GREB1L: variants seen among roughly 807,000 people sequenced by gnomAD.
The protein encoded by GREB1L is GREB1 like retinoic acid receptor coactivator, also known as GREB1-like protein.
In GREB1L, 17 loss-of-function variants were observed where a neutral mutation model predicts 200.8. The ratio of observed to expected loss-of-function variants is 0.08; its 90% CI spans 0.06 to 0.13. GREB1L has a LOEUF of 0.13. Among genes scored for constraint, GREB1L ranks in the 10% least tolerant of loss-of-function variants. The probability of loss-of-function intolerance (pLI) is 1.00; values close to 1 mark genes in which losing one functional copy is unlikely to be tolerated. For missense variants in GREB1L, 1,657 were observed against 2,367.7 expected (o/e 0.70, Z 6.23); for synonymous variants, 789 against 893.0 (o/e 0.88, Z 2.08).
chr18:21,470,632 A>G (rs1292109553), intron 15 of GREB1L, among the ~76,000 whole-genome samples: 1 of 152,210 alleles, frequency 6.6e-6, no homozygotes, highest in African/African-American at 2.4e-5. Flanking sequence ...TTCTACACAG[A>G]CATATTATTA....
intron 15 of GREB1L, among the ~76,000 whole-genome samples, chr18:21,470,476 A>T (rs1454696104): frequency 6.6e-6 from 1 of 152,178 alleles, no homozygotes; most frequent in Non-Finnish European, 1.5e-5. Flanking sequence ...CTAGATACAT[A>T]ATATTTTTTG....
intron 1 of GREB1L, among the ~76,000 whole-genome samples, chr18:21,306,623 A>G (rs1472582342): frequency 1.3e-5 from 2 of 152,248 alleles, no homozygotes; most frequent in Admixed American, 6.5e-5. Context: ...GTAGCCATGC[A>G]TACATCTCTC....
At chr18:21,349,479 T>C (rs2039402365) in intron 1 of GREB1L, among the ~76,000 whole-genome samples, 1 of 152,198 alleles carries the variant, frequency 6.6e-6, no homozygotes, top group Non-Finnish European at 1.5e-5. Flanking sequence ...GAATTCCTAC[T>C]TTGTCCTTTA....
intron 15 of GREB1L, among the ~76,000 whole-genome samples, chr18:21,455,552 A>AGG (rs2145483807): frequency 6.6e-6 from 1 of 152,150 alleles, no homozygotes; most frequent in Non-Finnish European, 1.5e-5. Flanking sequence ...TGGTAGTGGC[A>AGG]CATGCCTGTT....
intron 10 of GREB1L, among the ~76,000 whole-genome samples, chr18:21,443,847 A>G (rs1200010008): frequency 6.6e-6 from 1 of 152,214 alleles, no homozygotes. Context: ...GTAATACTTA[A>G]TACAGTGCCT....
At chr18:21,493,796 G>C (rs950442482) in intron 19 of GREB1L, among the ~76,000 whole-genome samples, 1 of 141,728 alleles carries the variant, frequency 7.1e-6, no homozygotes, top group Non-Finnish European at 1.5e-5. Flanking sequence ...AACCCGGGAG[G>C]TGGAGGTCGC....
intron 1 of GREB1L, among the ~76,000 whole-genome samples, chr18:21,316,602 A>G (rs1174160531): frequency 6.6e-6 from 1 of 152,114 alleles, no homozygotes; most frequent in Non-Finnish European, 1.5e-5. Flanking sequence ...GCCTTTTCCC[A>G]TGTTACCTGG....
chr18:21,423,241 T>C (rs2032304194), intron 7 of GREB1L, among the ~76,000 whole-genome samples: 3 of 152,332 alleles, frequency 2.0e-5, no homozygotes, highest in African/African-American at 4.8e-5. Flanking sequence ...AATCTGTTTT[T>C]TAAATTTGCA....
chr18:21,418,332 T>C (rs2031840066), intron 7 of GREB1L, among the ~76,000 whole-genome samples: 2 of 152,190 alleles, frequency 1.3e-5, no homozygotes, highest in South Asian at 2.1e-4. Context: ...TTCCCTTATA[T>C]AAAATGGCAT....
rs2036279849 is a variant in GREB1L at position 21,490,269 on chromosome 18, G to A, written c.2948G>A (p.Gly983Asp). The change falls in exon 19 of 33, where the codon GGT becomes GAT. Residue 983 changes from glycine to aspartate, a missense_variant. Coordinates refer to ENST00000424526, the MANE Select transcript of GREB1L (RefSeq NM_001142966.3). ...CTACAGGAGGTGCGCGACAAACTGGGTCTGCAGTATCGGTTTGAGATCATC... is the reference window on the plus strand; with the variant it reads ...CTACAGGAGGTGCGCGACAAACTGGATCTGCAGTATCGGTTTGAGATCATC... The part of the protein sequence containing the change: ...ERLQEVRDKL[G>D]LQYRFEIILG... 1.9e-6 allele frequency: 3 copies of A among 1,551,718 alleles called. No individual in the cohort carries two copies. In the African/African-American group the frequency reaches 4.1e-5, roughly 21 times the overall value.
chr18:21,257,177 A>G (rs536000458), intron 1 of GREB1L, among the ~76,000 whole-genome samples: 146 of 152,206 alleles, frequency 9.6e-4, no homozygotes, highest in Non-Finnish European at 1.7e-3. Context: ...CGTGTTAGCC[A>G]GGATGGTCTC....
intron 1 of GREB1L, among the ~76,000 whole-genome samples, chr18:21,347,035 G>A (rs1042589315): frequency 1.3e-5 from 2 of 152,048 alleles, no homozygotes; most frequent in African/African-American, 4.8e-5. Context: ...TTTCATTCCT[G>A]ATCCTATTTG....
At chr18:21,417,552 G>A (rs992911897) in intron 7 of GREB1L, among the ~76,000 whole-genome samples, 6 of 151,638 alleles carry the variant, frequency 4.0e-5, no homozygotes, top group African/African-American at 1.5e-4. Context: ...CAAAAATGAA[G>A]ATGAAATAAA....
chr18:21,517,704 G>A (rs2037467517), intron 30 of GREB1L, among the ~76,000 whole-genome samples: 2 of 152,116 alleles, frequency 1.3e-5, no homozygotes, highest in Non-Finnish European at 2.9e-5. Context: ...GTGGGGTTGT[G>A]GGGTAGAGTT....
chr18:21,342,918 ATTGT>A (rs2039289274), intron 1 of GREB1L, among the ~76,000 whole-genome samples: 1 of 152,148 alleles, frequency 6.6e-6, no homozygotes, highest in African/African-American at 2.4e-5. Context: ...AATCACTAGA[ATTGT>A]TTATTATTGA....
chr18:21,347,762 CTTTTTTTTTT>C (rs761498957), intron 1 of GREB1L, among the ~76,000 whole-genome samples: 1 of 114,274 alleles, frequency 8.8e-6, no homozygotes, highest in African/African-American at 3.8e-5. Context: ...GCCCCCCGAC[CTTTTTTTTTT>C]TTTTTTTTTT....
intron 2 of GREB1L, among the ~76,000 whole-genome samples, chr18:21,368,688 T>C (rs1231885045): frequency 1.3e-5 from 2 of 152,196 alleles, no homozygotes. Flanking sequence ...GTTTTGCTGA[T>C]TCTAAGGCAC....
chr18:21,421,343 G>A (rs931607789), intron 7 of GREB1L, among the ~76,000 whole-genome samples: 5 of 152,178 alleles, frequency 3.3e-5, no homozygotes, highest in African/African-American at 1.2e-4. Context: ...GATTTAACAT[G>A]AGTTTTAGAG....
intron 10 of GREB1L, among the ~76,000 whole-genome samples, chr18:21,441,989 G>T (rs2033927663): frequency 6.6e-6 from 1 of 152,154 alleles, no homozygotes; most frequent in Non-Finnish European, 1.5e-5. Flanking sequence ...GGTCAGGGAG[G>T]AGACATTCCA....
Sources: gnomAD v4.1 joint callset for allele counts (sites outside exome capture counted in the v4.1 genomes callset) on GRCh38, gnomAD v4.1.1 for gene constraint, MANE v1.5 for transcripts, NCBI Gene and HGNC (gene_info 2026-07-23, HGNC 2026-07-21) for gene names.